Variants in PLPPR1 observed in about 807,000 individuals in gnomAD.
The protein encoded by PLPPR1 is phospholipid phosphatase-related protein type 1.
In PLPPR1, 10 loss-of-function variants were observed where a neutral mutation model predicts 33.1. The ratio of observed to expected loss-of-function variants is 0.30; its 90% CI spans 0.19 to 0.51. PLPPR1 has a LOEUF of 0.51. PLPPR1 is among the 20% of genes least tolerant of loss of function. The probability of loss-of-function intolerance (pLI) is 0.97; values close to 1 mark genes in which losing one functional copy is unlikely to be tolerated. For missense variants in PLPPR1, 304 were observed against 408.1 expected (o/e 0.74, Z 2.20); for synonymous variants, 151 against 151.0 (o/e 1.00, Z 0.00).
chr9:101,150,878 A>G (rs771636087), intron 1 of PLPPR1, among the ~76,000 whole-genome samples: 5 of 150,500 alleles, frequency 3.3e-5, no homozygotes, highest in Non-Finnish European at 7.4e-5. Flanking sequence ...ACATGCCTTT[A>G]AGGGCAGTGG....
At chr9:101,082,764 C>T (rs997263382) in intron 1 of PLPPR1, among the ~76,000 whole-genome samples, 1 of 152,142 alleles carries the variant, frequency 6.6e-6, no homozygotes, top group African/African-American at 2.4e-5. Flanking sequence ...AGAGATAAAC[C>T]TGGGTCTAAA....
At chr9:101,298,248 G>C (rs1828684206) in intron 4 of PLPPR1, among the ~76,000 whole-genome samples, 1 of 152,226 alleles carries the variant, frequency 6.6e-6, no homozygotes, top group Middle Eastern at 3.4e-3. Flanking sequence ...TCACACAGTT[G>C]ATCCATTATT....
chr9:101,078,251 T>G, intron 1 of PLPPR1, among the ~76,000 whole-genome samples: 1 of 107,298 alleles, frequency 9.3e-6, no homozygotes. Context: ...CCAGGTAGGG[T>G]CAGAGAAGTG....
intron 2 of PLPPR1, among the ~76,000 whole-genome samples, chr9:101,211,912 T>A (rs1826698572): frequency 6.6e-6 from 1 of 152,216 alleles, no homozygotes; most frequent in Non-Finnish European, 1.5e-5. Flanking sequence ...ACCTCCACTT[T>A]ACATACAAGG....
intron 2 of PLPPR1, among the ~76,000 whole-genome samples, chr9:101,242,950 A>G (rs1426482990): frequency 6.6e-6 from 1 of 152,102 alleles, no homozygotes; most frequent in Admixed American, 6.6e-5. Flanking sequence ...ACAGAGGAGA[A>G]AATTTCTAAT....
intron 2 of PLPPR1, among the ~76,000 whole-genome samples, chr9:101,207,523 C>T (rs764698400): frequency 6.6e-6 from 1 of 152,066 alleles, no homozygotes; most frequent in Non-Finnish European, 1.5e-5. Context: ...TTCCAGGGGC[C>T]TGAGATGAAG....
chr9:101,198,156 T>C (rs1324891891), intron 2 of PLPPR1, among the ~76,000 whole-genome samples: 1 of 152,226 alleles, frequency 6.6e-6, no homozygotes, highest in African/African-American at 2.4e-5. Context: ...TATACTTGTG[T>C]ATGTAGCTCT....
At chr9:101,062,283 C>A (rs542943214) in intron 1 of PLPPR1, among the ~76,000 whole-genome samples, 116 of 151,818 alleles carry the variant, frequency 7.6e-4, no homozygotes, top group Admixed American at 1.4e-3. Context: ...CTGAAAAATC[C>A]CTTCAAACTT....
At position 101,187,990 on chromosome 9, in the gene PLPPR1, T is replaced by C. The variant is rs543376925; in HGVS notation, c.63+2433T>C. ...CTACATATGTATATATTCATAAATA[T>C]TTTAGGAAAATTTTACATAAATGAC... On this transcript the variant is annotated intron_variant, in intron 2 of 7. Coordinates refer to ENST00000374874, the MANE Select transcript of PLPPR1 (RefSeq NM_207299.2). The C allele has an allele frequency of 1.1e-4, 17 of 152,168 alleles. 1 individual carries two copies. In the South Asian group the frequency reaches 3.5e-3, roughly 31 times the overall value. 9.4% of individuals were successfully genotyped at this position (152,168 alleles called of 1,614,324 possible). A position where few individuals can be genotyped will look rare whatever the true frequency, so the allele number is the denominator to read the frequency against.
chr9:101,041,917 C>A (rs1195247497), intron 1 of PLPPR1, among the ~76,000 whole-genome samples: 1 of 152,100 alleles, frequency 6.6e-6, no homozygotes, highest in African/African-American at 2.4e-5. Flanking sequence ...ATGTAAAATT[C>A]TTGGAAAGTT....
intron 1 of PLPPR1, among the ~76,000 whole-genome samples, chr9:101,136,834 G>A (rs966645308): frequency 6.6e-6 from 1 of 152,138 alleles, no homozygotes; most frequent in African/African-American, 2.4e-5. Flanking sequence ...GGACAGGGGT[G>A]AGAGATGTGG....
intron 3 of PLPPR1, among the ~76,000 whole-genome samples, chr9:101,272,870 T>C (rs1036506861): frequency 6.6e-6 from 1 of 152,218 alleles, no homozygotes; most frequent in African/African-American, 2.4e-5. Context: ...TTGTTAAAGA[T>C]GTATTAAGAG....
intron 1 of PLPPR1, among the ~76,000 whole-genome samples, chr9:101,081,581 T>A (rs1830620709): frequency 6.6e-6 from 1 of 152,168 alleles, no homozygotes; most frequent in Non-Finnish European, 1.5e-5. Flanking sequence ...TTAGAAGAAG[T>A]GGAGAATTAT....
At chr9:101,114,499 A>G (rs777775058) in intron 1 of PLPPR1, among the ~76,000 whole-genome samples, 35 of 152,226 alleles carry the variant, frequency 2.3e-4, no homozygotes, top group Non-Finnish European at 3.7e-4. Context: ...AGCTGGCCCA[A>G]GGTCACTCTG....
chr9:101,079,810 C>G (rs571390266), intron 1 of PLPPR1, among the ~76,000 whole-genome samples: 79 of 152,260 alleles, frequency 5.2e-4, no homozygotes, highest in African/African-American at 1.9e-3. Flanking sequence ...GAACTCCTGA[C>G]CTCGTGATCC....
intron 2 of PLPPR1, among the ~76,000 whole-genome samples, chr9:101,232,777 A>AT (rs1827217718): frequency 6.6e-6 from 1 of 151,832 alleles, no homozygotes; most frequent in Non-Finnish European, 1.5e-5. Flanking sequence ...TGGGCAAGTT[A>AT]TTTTTTCTCT....
chr9:101,265,103 C>T lies in PLPPR1; in HGVS notation c.64-4777C>T, dbSNP rs560999056. 2.0e-4 allele frequency among the ~76,000 whole-genome samples: 30 copies of T among 152,292 alleles called. No individual in the cohort carries two copies. The South Asian group carries it at 5.2e-3, about 26-fold the overall frequency. On this transcript the variant is annotated intron_variant, in intron 2 of 7. Coordinates refer to ENST00000374874, the MANE Select transcript of PLPPR1 (RefSeq NM_207299.2). ...TCATCCTCTTCTCTCAGCTTTGTGACCTTCACAATTATTGCTCTTCTTGAC... is the reference window on the plus strand; with the variant it reads ...TCATCCTCTTCTCTCAGCTTTGTGATCTTCACAATTATTGCTCTTCTTGAC...
chr9:101,204,875 T>G (rs1056245788), intron 2 of PLPPR1, among the ~76,000 whole-genome samples: 4 of 152,094 alleles, frequency 2.6e-5, no homozygotes, highest in Non-Finnish European at 5.9e-5. Flanking sequence ...CTAGGGTCCC[T>G]GAAAGAAGTT....
chr9:101,227,834 T>C (rs925434656), intron 2 of PLPPR1, among the ~76,000 whole-genome samples: 1 of 152,232 alleles, frequency 6.6e-6, no homozygotes, highest in African/African-American at 2.4e-5. Flanking sequence ...TGGAGTGCAG[T>C]GGTGTGATCT....
Sources: allele counts gnomAD v4.1 joint callset (sites outside exome capture counted in the v4.1 genomes callset), GRCh38; gene constraint gnomAD v4.1.1; transcripts MANE v1.5; gene names NCBI Gene and HGNC (gene_info 2026-07-23, HGNC 2026-07-21).